The following KCTD20 variants were observed in gnomAD, a reference collection of about 807,000 sequenced individuals.
KCTD20 encodes BTB/POZ domain-containing protein KCTD20.
A neutral mutation model predicts 39.6 loss-of-function variants in KCTD20; 30 were observed. That is an observed-to-expected ratio of 0.76 (90% CI 0.57 to 1.03). KCTD20 has a LOEUF of 1.03. Among genes scored for constraint, KCTD20 ranks in the 50% least tolerant of loss-of-function variants. The pLI, the probability that KCTD20 is intolerant of heterozygous loss-of-function variation, is 0.00. For missense variants in KCTD20, 422 were observed against 522.0 expected, an observed-to-expected ratio of 0.81 and a Z score of 1.87; for synonymous variants, 162 against 180.6, an observed-to-expected ratio of 0.90 and a Z score of 0.83.
chr6:36,452,465 C>T (rs1482164362), intron 1 of KCTD20: 1 of 151,574 alleles, frequency 6.6e-6, no homozygotes. Context: ...AATAACTGCT[C>T]ATCTTTTTAG....
intron 6 of KCTD20, among the ~76,000 whole-genome samples, chr6:36,484,064 C>T (rs1368371689): frequency 6.6e-6 from 1 of 151,728 alleles, no homozygotes; most frequent in Non-Finnish European, 1.5e-5. Flanking sequence ...CTCAGCCTCC[C>T]GAGTAGCTGG....
intron 2 of KCTD20, among the ~76,000 whole-genome samples, chr6:36,471,232 G>A (rs900892501): frequency 6.6e-6 from 1 of 151,754 alleles, no homozygotes; most frequent in Non-Finnish European, 1.5e-5. Context: ...CCGATAAACT[G>A]AAATTCTTTT....
At chr6:36,445,018 T>C (rs1395070016) in intron 1 of KCTD20, among the ~76,000 whole-genome samples, 3 of 152,126 alleles carry the variant, frequency 2.0e-5, no homozygotes, top group Non-Finnish European at 4.4e-5. Context: ...TCCCAGCAAT[T>C]TGGGAAGCCG....
At chr6:36,450,385 G>A (rs1288699538) in intron 1 of KCTD20, among the ~76,000 whole-genome samples, 1 of 151,714 alleles carries the variant, frequency 6.6e-6, no homozygotes, top group African/African-American at 2.4e-5. Flanking sequence ...CTACTCGGGA[G>A]GCTGAGGTAG....
At position 36,446,024 on chromosome 6, in the gene KCTD20, G is replaced by GTTTTT. The variant is rs553882182; in HGVS notation, c.-47+2923_-47+2927dup. On this transcript the variant is annotated intron_variant, in intron 1 of 7. Coordinates refer to ENST00000373731, the MANE Select transcript of KCTD20 (RefSeq NM_173562.5). ...AAGCCCCAGAAATGTTATGAACTCA[G>GTTTTT]TTTTTTTTTTTTTTCTTTTGAGACA... Among the ~76,000 whole-genome samples, 301 of 126,524 alleles carry GTTTTT rather than the reference G, an allele frequency of 2.4e-3. 18 individuals carry two copies. Among genetic ancestry groups the GTTTTT allele is most frequent in the African/African-American group, 4.9e-3 (167 of 33,786 alleles). 83.0% of individuals were successfully genotyped at this position (126,524 alleles called of 152,430 possible). A position where few individuals can be genotyped will look rare whatever the true frequency, so the allele number is the denominator to read the frequency against.
At chr6:36,479,365 G>A in intron 4 of KCTD20, 142 bp downstream of exon 4, 2 of 720,980 alleles carry the variant, frequency 2.8e-6, no homozygotes, top group Non-Finnish European at 2.2e-6. Flanking sequence ...TTCTATTCCT[G>A]TAACTTTTAA....
intron 7 of KCTD20, among the ~76,000 whole-genome samples, chr6:36,485,400 C>T (rs1342475090): frequency 6.6e-6 from 1 of 152,016 alleles, no homozygotes; most frequent in Non-Finnish European, 1.5e-5. Context: ...AGCAGTGGCT[C>T]CCAACCTGTG....
chr6:36,452,396 T>C (rs1464095150), intron 1 of KCTD20, among the ~76,000 whole-genome samples: 1 of 152,212 alleles, frequency 6.6e-6, no homozygotes, highest in Non-Finnish European at 1.5e-5. Flanking sequence ...TCAGTTTCAA[T>C]AAATTATAGA....
chr6:36,455,594 A>AGTGTGTGTGTGT (rs71737281), intron 1 of KCTD20, among the ~76,000 whole-genome samples: 42 of 150,466 alleles, frequency 2.8e-4, no homozygotes, highest in Middle Eastern at 3.5e-3. Flanking sequence ...TAGAACCAGT[A>AGTGTGTGTGTGT]GTGTGTGTGT....
intron 1 of KCTD20, among the ~76,000 whole-genome samples, chr6:36,466,668 C>T (rs1286669631): frequency 6.6e-6 from 1 of 152,038 alleles, no homozygotes; most frequent in Non-Finnish European, 1.5e-5. Context: ...AGGTGTGAGC[C>T]ACTGCGCCTT....
intron 1 of KCTD20, among the ~76,000 whole-genome samples, chr6:36,446,895 G>A (rs967295861): frequency 1.3e-5 from 2 of 152,212 alleles, no homozygotes; most frequent in South Asian, 2.1e-4. Flanking sequence ...ATTAGTATAC[G>A]TTCTATACCA....
rs781415550 is a variant in KCTD20, at chr6:36,456,093, G to A, written c.-47+12982G>A. On this transcript the variant is annotated intron_variant, in intron 1 of 7. Coordinates refer to ENST00000373731, the MANE Select transcript of KCTD20 (RefSeq NM_173562.5). ...TCTGTTTTACTCAGCTTTTCTGAGC[G>A]CTCTCCAGTAGGAGGTTTATTCTGG... Among the ~76,000 whole-genome samples, 3 of 152,074 alleles carry A rather than the reference G, an allele frequency of 2.0e-5. No individual in the cohort carries two copies. In the South Asian group the frequency reaches 6.2e-4, roughly 31 times the overall value.
At position 36,470,102 on chromosome 6, in the gene KCTD20, A is replaced by G. The variant is rs1296737078; in HGVS notation, c.5A>G (p.Asn2Ser). 1.2e-6 allele frequency: 2 copies of G among 1,612,396 alleles called. No individual in the cohort carries two copies. The highest frequency in any genetic ancestry group is 1.7e-6 in the Non-Finnish European group (2 of 1,178,972). M[N>S]VHRGSDSDRL... is the part of the protein sequence containing the mutation. The stretch of plus-strand genomic sequence containing the variant: ...TTCAGGACTCAGAATCTAAGGATGA[A>G]TGTTCACCGTGGCAGTGACAGTGAC... The change falls in exon 2 of 8, where the codon AAT (asparagine) becomes AGT (serine). Residue 2 changes from asparagine to serine, a missense_variant. Coordinates refer to ENST00000373731, the MANE Select transcript of KCTD20 (RefSeq NM_173562.5).
intron 1 of KCTD20, among the ~76,000 whole-genome samples, chr6:36,464,444 G>A (rs1009385599): frequency 5.9e-5 from 9 of 152,122 alleles, no homozygotes; most frequent in African/African-American, 2.2e-4. Context: ...ACAGCCTCCT[G>A]AGCAGCTGGG....
In KCTD20 at chr6:36,474,927, T is replaced by G; in HGVS notation, c.299T>G (p.Phe100Cys). 8 of 1,614,148 alleles carry G rather than the reference T, an allele frequency of 5.0e-6. No individual in the cohort carries two copies. The highest frequency in any genetic ancestry group is 1.3e-5 in the African/African-American group (1 of 75,042). The change falls in exon 3 of 8, where the codon TTT becomes TGT. Residue 100 changes from phenylalanine to cysteine, a missense_variant. Phe to Cys is a radical substitution (Grantham distance 205). Transcript: ENST00000373731. ...GAACCTTTTATTGCTCCAGAAAGAT[T>G]TGGAAACAGTAGTGTGGGCTTTGGC... is the stretch of plus-strand genomic sequence containing the variant. ...NHEPFIAPER[F>C]GNSSVGFGSN... is the part of the protein sequence containing the mutation.
At chr6:36,459,369 C>A (rs559503434) in intron 1 of KCTD20, among the ~76,000 whole-genome samples, 2 of 152,262 alleles carry the variant, frequency 1.3e-5, no homozygotes, top group South Asian at 2.1e-4. Flanking sequence ...CCCAAGGAAG[C>A]CTTACACTAT....
In KCTD20 at chr6:36,487,352, G is replaced by A. The variant is rs1776459350; in HGVS notation, c.*177G>A. On this transcript the variant is annotated 3_prime_UTR_variant, in exon 8 of 8. Coordinates refer to ENST00000373731, the MANE Select transcript of KCTD20 (RefSeq NM_173562.5). ...TAAGTCCATGCCTCTGGCAGGGGAT[G>A]AAGAAGTACTCACTGGTAATTAGCT... 2 of 639,528 alleles carry A rather than the reference G, an allele frequency of 3.1e-6. No individual in the cohort carries two copies. Among genetic ancestry groups the A allele is most frequent in the South Asian group, 4.5e-5 (2 of 44,626 alleles). 39.6% of individuals were successfully genotyped at this position (639,528 alleles called of 1,614,324 possible). A position where few individuals can be genotyped will look rare whatever the true frequency, so the allele number is the denominator to read the frequency against.
intron 1 of KCTD20, among the ~76,000 whole-genome samples, chr6:36,448,015 G>GTGTATATATATATATATATATATA (rs559687288): frequency 1.2e-3 from 151 of 128,880 alleles, no homozygotes; most frequent in African/African-American, 4.8e-3. Context: ...ATGTGTGTGT[G>GTGTATATATATATATATATATATA]TATATATATA....
chr6:36,486,838 T>C (rs1334125059), intron 7 of KCTD20, 45 bp from the exon 8 acceptor site: 1 of 1,492,670 alleles, frequency 6.7e-7, no homozygotes, highest in East Asian at 2.3e-5. Flanking sequence ...GACACCAGAG[T>C]GAGCACAATT....
Sources: allele counts gnomAD v4.1 joint callset (sites outside exome capture counted in the v4.1 genomes callset), GRCh38; gene constraint gnomAD v4.1.1; transcripts MANE v1.5; gene names NCBI Gene and HGNC (gene_info 2026-07-23, HGNC 2026-07-21).